The following CCNJ variants were observed in gnomAD, a reference collection of about 807,000 sequenced individuals.
The protein encoded by CCNJ is cyclin J.
In CCNJ, 12 loss-of-function variants were observed where a neutral mutation model predicts 41.4. The observed-to-expected ratio is 0.29, with a 90% CI of 0.19 to 0.47. The LOEUF is 0.47. Among genes scored for constraint, CCNJ ranks in the 20% least tolerant of loss-of-function variants. The pLI, the probability that CCNJ is intolerant of heterozygous loss-of-function variation, is 1.00. For synonymous variants in CCNJ, 161 were observed against 173.4 expected, an observed-to-expected ratio of 0.93 and a Z score of 0.56; for missense variants, 340 against 464.6, an observed-to-expected ratio of 0.73 and a Z score of 2.47.
intron 2 of CCNJ, among the ~76,000 whole-genome samples, chr10:96,049,481 C>CTTTTTTTTTTTTTTTTTTTTTTTT (rs150769179): frequency 1.8e-5 from 2 of 108,308 alleles, no homozygotes; most frequent in African/African-American, 3.5e-5. Flanking sequence ...TTTTCTTTTT[C>CTTTTTTTTTTTTTTTTTTTTTTTT]TTTTTTTTTT....
chr10:96,043,579 C>CT (rs891065352), upstream of CCNJ: 14 of 395,062 alleles, frequency 3.5e-5, no homozygotes, highest in South Asian at 5.1e-4. Context: ...CCTGCCGGTC[C>CT]TTTAACAATG....
intron 1 of CCNJ, 77 bp from the exon 2 acceptor site, chr10:96,044,276 G>A (rs2080298073): frequency 1.4e-6 from 1 of 732,272 alleles, no homozygotes; most frequent in East Asian, 3.3e-5. Context: ...GGTGGCCTGA[G>A]GTCACACCCC....
chr10:96,048,509 A>C (rs72823714), intron 2 of CCNJ, among the ~76,000 whole-genome samples: 2 of 152,238 alleles, frequency 1.3e-5, no homozygotes, highest in Non-Finnish European at 2.9e-5. Flanking sequence ...CATTAGGTAC[A>C]TTTGCATTGT....
At chr10:96,054,012 C>G (rs1404371077) in intron 3 of CCNJ, among the ~76,000 whole-genome samples, 3 of 151,924 alleles carry the variant, frequency 2.0e-5, no homozygotes, top group African/African-American at 7.3e-5. Context: ...TGATCCGTGC[C>G]CTATTCAGTA....
In CCNJ at chr10:96,057,893, G is replaced by T. The variant is rs17111275; in HGVS notation, c.804G>T (p.Ala268=). 45,309 of 1,614,094 alleles carry T rather than the reference G, an allele frequency of 0.028. 6,119 individuals carry two copies. In the East Asian group the frequency reaches 0.46, roughly 16 times the overall value. Residue 268 remains alanine (A), a synonymous_variant, in exon 6 of 6, where the codon GCG becomes GCT. Coordinates refer to ENST00000465148, the MANE Select transcript of CCNJ (RefSeq NM_001134375.2). The part of the protein sequence containing the change: ...KQRGQAGPQS[A]QLSVFQTASQ... ...GAGGGCAAGCAGGACCTCAGTCAGCGCAACTAAGTGTATTCCAGACAGCCT... is the reference window on the plus strand; with the variant it reads ...GAGGGCAAGCAGGACCTCAGTCAGCTCAACTAAGTGTATTCCAGACAGCCT...
chr10:96,047,422 T>C (rs1000510206), intron 2 of CCNJ, among the ~76,000 whole-genome samples: 4 of 152,148 alleles, frequency 2.6e-5, no homozygotes, highest in African/African-American at 9.7e-5. Flanking sequence ...TGAAAGCAGG[T>C]GGATCACTTG....
At chr10:96,044,215 C>G (rs1472800458) in intron 1 of CCNJ, 138 bp from the exon 2 acceptor site, 2 of 420,772 alleles carry the variant, frequency 4.8e-6, no homozygotes, top group African/African-American at 4.1e-5. Context: ...GGAAACGACT[C>G]GGGTCGGGCT....
Position 96,044,360 on chromosome 10 carries a change from T to C in CCNJ, c.-34T>C, listed in dbSNP as rs753147799. 6.7e-7 allele frequency: 1 copy of C among 1,495,586 alleles called. No individual in the cohort carries two copies. Among genetic ancestry groups the C allele is most frequent in the Non-Finnish European group, 9.0e-7 (1 of 1,113,724 alleles). The allele number at this position is 1,495,586 out of a possible 1,614,324, so 92.6% of individuals were successfully genotyped here. On this transcript the variant is annotated 5_prime_UTR_variant, in exon 2 of 6. Coordinates refer to ENST00000465148, the MANE Select transcript of CCNJ (RefSeq NM_001134375.2). Reference sequence around the variant, plus strand: ...CTGGGGTGTGTCTTACAGACTCGAGTTGCCGCGTCGGGCTGGGCGCGCCGC... The same window carrying C: ...CTGGGGTGTGTCTTACAGACTCGAGCTGCCGCGTCGGGCTGGGCGCGCCGC...
intron 1 of CCNJ, among the ~76,000 whole-genome samples, chr10:96,044,107 G>A (rs1418278275): frequency 1.3e-5 from 2 of 152,238 alleles, no homozygotes; most frequent in Admixed American, 1.3e-4. Context: ...CAGGGCCCGA[G>A]TGGATCCCCT....
At position 96,056,814 on chromosome 10, in the gene CCNJ, C is replaced by T. The variant is rs1049236474; in HGVS notation, c.394C>T (p.Leu132=). 1 of 1,614,018 alleles carries T rather than the reference C, an allele frequency of 6.2e-7. No homozygotes were observed. The highest frequency in any genetic ancestry group is 1.7e-5 in the Admixed American group (1 of 60,012). ...LTKQNLLHME[L]LLLETFQWNL... is the part of the protein sequence containing the mutation. ...AAAACAAAATTTGCTACATATGGAACTATTATTATTAGAAACCTTTCAGTG... is the reference window on the plus strand; with the variant it reads ...AAAACAAAATTTGCTACATATGGAATTATTATTATTAGAAACCTTTCAGTG... The change falls in exon 4 of 6, where the codon CTA becomes TTA. Residue 132 remains leucine, a synonymous_variant. Coordinates refer to ENST00000465148, the MANE Select transcript of CCNJ (RefSeq NM_001134375.2).
At chr10:96,048,773 T>C (rs1349502815) in intron 2 of CCNJ, among the ~76,000 whole-genome samples, 4 of 152,256 alleles carry the variant, frequency 2.6e-5, no homozygotes, top group Admixed American at 1.3e-4. Flanking sequence ...TTTCTAAGGC[T>C]GAATAATACT....
intron 2 of CCNJ, 137 bp downstream of exon 2, chr10:96,044,599 C>A: frequency 1.7e-6 from 1 of 595,102 alleles, no homozygotes; most frequent in Non-Finnish European, 2.6e-6. Context: ...CTCATTTGCT[C>A]AAGGTTAATT....
At position 96,056,634 on chromosome 10, in the gene CCNJ, CTGACTAGACCAATAA is replaced by C; in HGVS notation, c.281-63_281-49del. On this transcript the variant is annotated intron_variant, in intron 3 of 5. Coordinates refer to ENST00000465148, the MANE Select transcript of CCNJ (RefSeq NM_001134375.2). ...CAATAAGACAGCAAATCCCATTTTACTGACTAGACCAATAATGATCACTTGCCTGACATTTTCTCT... is the reference window on the plus strand; with the variant it reads ...CAATAAGACAGCAAATCCCATTTTACTGATCACTTGCCTGACATTTTCTCT... 2.5e-6 allele frequency: 3 copies of C among 1,184,498 alleles called. No homozygotes were observed. In the South Asian group the frequency reaches 4.5e-5, roughly 18 times the overall value. 73.4% of individuals were successfully genotyped at this position (1,184,498 alleles called of 1,614,324 possible). A position where few individuals can be genotyped will look rare whatever the true frequency, so the allele number is the denominator to read the frequency against.
At chr10:96,046,526 G>A (rs1342235531) in intron 2 of CCNJ, among the ~76,000 whole-genome samples, 1 of 152,172 alleles carries the variant, frequency 6.6e-6, no homozygotes, top group Non-Finnish European at 1.5e-5. Context: ...ATGATATCAT[G>A]CCAGGTGTTA....
In CCNJ at chr10:96,050,416, T is replaced by C; in HGVS notation, c.230T>C (p.Ile77Thr). 1.9e-6 allele frequency: 3 copies of C among 1,614,148 alleles called. No homozygotes were observed. In the South Asian group the frequency reaches 3.3e-5, roughly 18 times the overall value. Residue 77 changes from isoleucine to threonine, a missense_variant, in exon 3 of 6, where the codon ATC (isoleucine) becomes ACC (threonine). By Grantham distance (89) the Ile-to-Thr change is moderately conservative (BLOSUM62 -1). Transcript: ENST00000465148. ...LLDLFMDRYD[I>T]SIQQLHLVAL... ...GACCTGTTTATGGACCGCTATGACATCTCTATCCAGCAGCTGCATTTAGTT... is the reference window on the plus strand; with the variant it reads ...GACCTGTTTATGGACCGCTATGACACCTCTATCCAGCAGCTGCATTTAGTT...
chr10:96,043,579 C>G, upstream of CCNJ: 1 of 395,166 alleles, frequency 2.5e-6, no homozygotes, highest in African/African-American at 2.1e-5. Flanking sequence ...CCTGCCGGTC[C>G]TTTAACAATG....
intron 3 of CCNJ, 134 bp from the exon 4 acceptor site, chr10:96,056,567 G>C (rs1220705383): frequency 3.1e-6 from 2 of 651,962 alleles, no homozygotes; most frequent in Non-Finnish European, 5.3e-6. Context: ...TGGCACAATT[G>C]TATCTGTGTA....
Position 96,058,553 on chromosome 10 carries a change from T to C in CCNJ, c.*312T>C. ...TTTGGACAGACTTCAATTTGCCATT[T>C]TGAGATTTGACCTGTGGTAGCATCT... On this transcript the variant is annotated 3_prime_UTR_variant, in exon 6 of 6. Coordinates refer to ENST00000465148, the MANE Select transcript of CCNJ (RefSeq NM_001134375.2). 2 of 457,894 alleles carry C rather than the reference T, an allele frequency of 4.4e-6. No individual in the cohort carries two copies. Among genetic ancestry groups the C allele is most frequent in the Non-Finnish European group, 7.7e-6 (2 of 259,978 alleles). 28.4% of individuals were successfully genotyped at this position (457,894 alleles called of 1,614,324 possible).
chr10:96,052,366 T>C (rs947890718), intron 3 of CCNJ, among the ~76,000 whole-genome samples: 2 of 152,234 alleles, frequency 1.3e-5, no homozygotes, highest in African/African-American at 4.8e-5. Context: ...AGAGTGTCAC[T>C]GGAAATCAGA....
Sources: allele counts gnomAD v4.1 joint callset (sites outside exome capture counted in the v4.1 genomes callset), GRCh38; gene constraint gnomAD v4.1.1; transcripts MANE v1.5; gene names NCBI Gene and HGNC (gene_info 2026-07-23, HGNC 2026-07-21).